EVI5L: variants seen among roughly 807,000 people sequenced by gnomAD.
The protein encoded by EVI5L is ecotropic viral integration site 5 like.
Under a neutral mutation model 106.1 loss-of-function variants are expected in EVI5L, and 30 were observed. The ratio of observed to expected loss-of-function variants is 0.28; its 90% confidence interval spans 0.21 to 0.38. The LOEUF is 0.38. Ranked by LOEUF, EVI5L falls within the 10% of genes least tolerant of loss-of-function variation. The pLI is 1.00. For synonymous variants in EVI5L, 489 were observed against 483.3 expected, an observed-to-expected ratio of 1.01 and a Z score of -0.15; for missense variants, 809 against 1,098.0, an observed-to-expected ratio of 0.74 and a Z score of 3.72.
At position 7,854,993 on chromosome 19, in the gene EVI5L, A is replaced by G. The variant is rs566863811; in HGVS notation, c.1147-1022A>G. On this transcript the variant is annotated intron_variant, in intron 10 of 19. Coordinates refer to ENST00000538904, the MANE Select transcript of EVI5L (RefSeq NM_001159944.3). ...CCTCACTCACCTGCCAATCCAAACA[A>G]TTTCTGTACCACCTTAGTATCAAGC... 9.9e-5 allele frequency among the ~76,000 whole-genome samples: 15 copies of G among 152,170 alleles called. 1 individual carries two copies. The highest frequency in any genetic ancestry group is 9.8e-4 in the Admixed American group (15 of 15,266).
rs1014908773 is a variant in EVI5L at position 7,849,158 on chromosome 19, G to T, written c.552+13G>T. ...CAACGTCATGAAGGTGAGGCCCAGG[G>T]CTCCCCGCTCCCTCGGTCCCAAAGG... On this transcript the variant is annotated intron_variant, in intron 4 of 19. Transcript: ENST00000538904. 1 of 1,611,418 alleles carries T rather than the reference G, an allele frequency of 6.2e-7. No homozygotes were observed. The highest frequency in any genetic ancestry group is 1.1e-5 in the South Asian group (1 of 90,864).
Position 7,862,118 on chromosome 19 carries a change from C to A in EVI5L, c.1645-4C>A. ...ACCGCCGGCTTCTCGGCTTCACCCC[C>A]CAGGCCCATCTGGCCCGCGGCGGCC... On this transcript the variant is annotated splice_polypyrimidine_tract_variant and splice_region_variant and intron_variant, in intron 15 of 19. Coordinates refer to ENST00000538904, the MANE Select transcript of EVI5L (RefSeq NM_001159944.3). 6.4e-7 allele frequency: 1 copy of A among 1,564,648 alleles called. No homozygotes were observed. Among genetic ancestry groups the A allele is most frequent in the East Asian group, 2.3e-5 (1 of 42,944 alleles).
Position 7,849,152 on chromosome 19 carries a change from C to A in EVI5L, c.552+7C>A. ...CCTCTTCAACGTCATGAAGGTGAGGCCCAGGGCTCCCCGCTCCCTCGGTCC... is the reference window on the plus strand; with the variant it reads ...CCTCTTCAACGTCATGAAGGTGAGGACCAGGGCTCCCCGCTCCCTCGGTCC... On this transcript the variant is annotated splice_region_variant and intron_variant, in intron 4 of 19. Transcript: ENST00000538904. 5.0e-6 allele frequency: 8 copies of A among 1,610,832 alleles called. No individual in the cohort carries two copies. The highest frequency in any genetic ancestry group is 6.8e-6 in the Non-Finnish European group (8 of 1,178,182).
rs543475052 is a variant in EVI5L, at chr19:7,857,678, G to A, written c.1234-513G>A. 5.5e-6 allele frequency: 1 copy of A among 182,262 alleles called. No individual in the cohort carries two copies. Among genetic ancestry groups the A allele is most frequent in the African/African-American group, 2.4e-5 (1 of 42,244 alleles). The allele number at this position is 182,262 out of a possible 1,614,324, so 11.3% of individuals were successfully genotyped here. On this transcript the variant is annotated intron_variant, in intron 12 of 19. Coordinates refer to ENST00000538904, the MANE Select transcript of EVI5L (RefSeq NM_001159944.3). The surrounding 1 kb of genome is among the most constrained non-coding windows in gnomAD (Gnocchi z 4.5). ...GCCTGGAATGGGGGGCCCAAGTTGGGTAGGGGACAAAGATGAGGTGGGGGA... is the reference window on the plus strand; with the variant it reads ...GCCTGGAATGGGGGGCCCAAGTTGGATAGGGGACAAAGATGAGGTGGGGGA...
chr19:7,839,886 G>A (rs962392636), intron 1 of EVI5L, among the ~76,000 whole-genome samples: 1 of 152,032 alleles, frequency 6.6e-6, no homozygotes, highest in Non-Finnish European at 1.5e-5. Context: ...GGGAAACAGA[G>A]CAAGACCTTG....
intron 1 of EVI5L, among the ~76,000 whole-genome samples, chr19:7,832,320 G>T (rs763985185): frequency 6.6e-6 from 1 of 152,198 alleles, no homozygotes; most frequent in Non-Finnish European, 1.5e-5. Flanking sequence ...GTCCAGTCCC[G>T]CGCAGCCTGG....
chr19:7,855,114 CTTTT>C (rs200195743), intron 10 of EVI5L, among the ~76,000 whole-genome samples: 1 of 132,618 alleles, frequency 7.5e-6, no homozygotes, highest in Non-Finnish European at 1.6e-5. Context: ...ATATCTTTTT[CTTTT>C]TTTTTTTTTT....
At chr19:7,831,774 C>T (rs1307540873) in intron 1 of EVI5L, among the ~76,000 whole-genome samples, 2 of 152,250 alleles carry the variant, frequency 1.3e-5, no homozygotes, top group South Asian at 2.1e-4. Context: ...GACCCCATCA[C>T]GCCTACTGGC....
At chr19:7,854,308 G>GAA (rs36071235) in intron 10 of EVI5L, among the ~76,000 whole-genome samples, 2 of 147,524 alleles carry the variant, frequency 1.4e-5, no homozygotes, top group South Asian at 2.1e-4. Context: ...GAAAAGAAAA[G>GAA]AAAAAAAACA....
At chr19:7,846,733 C>T in intron 2 of EVI5L, 54 bp downstream of exon 2, 1 of 1,577,290 alleles carries the variant, frequency 6.3e-7, no homozygotes, top group Non-Finnish European at 8.6e-7. Flanking sequence ...TCTGGGCCCC[C>T]ACAGGAGTTC....
chr19:7,845,106 T>G lies in EVI5L; in HGVS notation c.-47-1390T>G, dbSNP rs925892941. Among the ~76,000 whole-genome samples the G allele has an allele frequency of 2.6e-5, 4 of 152,050 alleles. No homozygotes were observed. Among genetic ancestry groups the G allele is most frequent in the African/African-American group, 9.7e-5 (4 of 41,388 alleles). ...ACTCCAAGGACCCAGCGAGGCCCTCTCTGTAGGTGGAGCTGTCAGCCAGGT... is the reference window on the plus strand; with the variant it reads ...ACTCCAAGGACCCAGCGAGGCCCTCGCTGTAGGTGGAGCTGTCAGCCAGGT... On this transcript the variant is annotated intron_variant, in intron 1 of 19. Coordinates refer to ENST00000538904, the MANE Select transcript of EVI5L (RefSeq NM_001159944.3). This position sits in a 1 kb window ranked among gnomAD's most constrained non-coding sequence, Gnocchi z 4.0.
At position 7,848,959 on chromosome 19, in the gene EVI5L, C is replaced by T. The variant is rs1199882693; in HGVS notation, c.366C>T (p.Ala122=). 1 of 1,612,900 alleles carries T rather than the reference C, an allele frequency of 6.2e-7. No homozygotes were observed. The highest frequency in any genetic ancestry group is 1.3e-5 in the African/African-American group (1 of 74,918). The change falls in exon 4 of 20, where the codon GCC becomes GCT. Residue 122 remains alanine, a synonymous_variant. Coordinates refer to ENST00000538904, the MANE Select transcript of EVI5L (RefSeq NM_001159944.3). The surrounding 1 kb of genome is among the most constrained non-coding windows in gnomAD (Gnocchi z 4.8). ...IRKGIPHHFR[A]IVWQLLCSAT... Reference sequence around the variant, plus strand: ...AGGGCATCCCCCACCACTTCCGGGCCATCGTGTGGCAGCTTCTGTGCAGCG... The same window carrying T: ...AGGGCATCCCCCACCACTTCCGGGCTATCGTGTGGCAGCTTCTGTGCAGCG...
intron 2 of EVI5L, 53 bp from the exon 3 acceptor site, chr19:7,847,679 A>G: frequency 1.9e-6 from 3 of 1,571,616 alleles, no homozygotes; most frequent in Non-Finnish European, 1.7e-6. Context: ...CTCGCCAAGG[A>G]TCCCTGTCCC....
At chr19:7,844,592 C>T (rs539593768) in intron 1 of EVI5L, among the ~76,000 whole-genome samples, 53 of 152,346 alleles carry the variant, frequency 3.5e-4, no homozygotes, top group African/African-American at 1.2e-3. Flanking sequence ...CGTCTCTGTC[C>T]GGGCAGACTT....
At chr19:7,862,934 T>G in intron 17 of EVI5L, 38 bp from the exon 18 acceptor site, 17 of 846,678 alleles carry the variant, frequency 2.0e-5, no homozygotes, top group Non-Finnish European at 2.9e-5. Flanking sequence ...CCGCGCCCCC[T>G]GACCCGCCCT....
chr19:7,846,091 C>CA (rs1978935575), intron 1 of EVI5L, among the ~76,000 whole-genome samples: 1 of 152,194 alleles, frequency 6.6e-6, no homozygotes, highest in Non-Finnish European at 1.5e-5. Context: ...TAGGAAGGGC[C>CA]AGAAAAGCAG....
At chr19:7,843,662 G>GTA (rs1491082018) in intron 1 of EVI5L, among the ~76,000 whole-genome samples, 2 of 148,810 alleles carry the variant, frequency 1.3e-5, no homozygotes, top group African/African-American at 4.9e-5. Flanking sequence ...GCATGTGTGT[G>GTA]TATAGGTGTA....
At chr19:7,839,156 A>T (rs1489630297) in intron 1 of EVI5L, among the ~76,000 whole-genome samples, 33 of 152,112 alleles carry the variant, frequency 2.2e-4, no homozygotes, top group African/African-American at 7.7e-4. Flanking sequence ...ACAAAAAATT[A>T]GCCAGGCGTG....
chr19:7,846,453 G>T lies in EVI5L; in HGVS notation c.-47-43G>T, dbSNP rs1978952813. 2.0e-6 allele frequency: 3 copies of T among 1,486,016 alleles called. No homozygotes were observed. The East Asian group carries it at 7.2e-5, about 35-fold the overall frequency. 92.1% of individuals were successfully genotyped at this position (1,486,016 alleles called of 1,614,324 possible). ...CGAGGGTGGGCAGGCAGGATGGAGT[G>T]GGCTCCCACCCAATGCCGACCACGC... is the stretch of plus-strand genomic sequence containing the variant. On this transcript the variant is annotated intron_variant, in intron 1 of 19. Transcript: ENST00000538904.
Sources: allele counts gnomAD v4.1 joint callset (sites outside exome capture counted in the v4.1 genomes callset), GRCh38; gene constraint gnomAD v4.1.1; non-coding constraint Gnocchi (gnomAD v3.1); transcripts MANE v1.5; gene names NCBI Gene and HGNC (gene_info 2026-07-23, HGNC 2026-07-21).